The following ATG5 variants were observed in gnomAD, a reference collection of about 807,000 sequenced individuals.
The protein encoded by ATG5 is autophagy related 5, also known as autophagy protein 5.
In ATG5, 14 loss-of-function variants were observed where a neutral mutation model predicts 36.5. The observed-to-expected ratio is 0.38, with a 90% CI of 0.25 to 0.60. The LOEUF (loss-of-function observed/expected upper bound fraction) is 0.60, where lower values mean the gene tolerates loss of function less well. Among genes scored for constraint, ATG5 ranks in the 20% least tolerant of loss-of-function variants. The pLI is 0.60. For missense variants in ATG5, 195 were observed against 326.7 expected, an observed-to-expected ratio of 0.60 and a Z score of 3.11; for synonymous variants, 95 against 101.5, an observed-to-expected ratio of 0.94 and a Z score of 0.38.
chr6:106,251,715 G>A (rs1186416040), intron 5 of ATG5, among the ~76,000 whole-genome samples: 3 of 143,054 alleles, frequency 2.1e-5, no homozygotes, highest in African/African-American at 7.8e-5. Context: ...GAAAAAGAAA[G>A]AAAGAAAGAG....
intron 5 of ATG5, among the ~76,000 whole-genome samples, chr6:106,275,514 A>G (rs1779606804): frequency 6.6e-6 from 1 of 152,212 alleles, no homozygotes; most frequent in Admixed American, 6.5e-5. Flanking sequence ...ATTTATAACC[A>G]AAAACAAAAT....
chr6:106,186,399 G>T lies in ATG5; in HGVS notation c.*141C>A. The T allele has an allele frequency of 1.0e-6, 1 of 991,726 alleles. No homozygotes were observed. Among genetic ancestry groups the T allele is most frequent in the Non-Finnish European group, 1.5e-6 (1 of 674,306 alleles). 61.4% of individuals were successfully genotyped at this position (991,726 alleles called of 1,614,324 possible). On this transcript the variant is annotated 3_prime_UTR_variant, in exon 8 of 8. Transcript: ENST00000369076. ...CCAGCCCAGTTGCCTTATCTGACAT[G>T]GAATCTTTTTCCTGTCTGGCTTGCA...
At chr6:106,283,572 G>C (rs1779962564) in intron 4 of ATG5, 1 of 152,136 alleles carries the variant, frequency 6.6e-6, no homozygotes, top group Non-Finnish European at 1.5e-5. Flanking sequence ...CTCCCAGGAG[G>C]TCACCGTATT....
chr6:106,202,092 A>G lies in ATG5; in HGVS notation c.574-3T>C. 6.2e-7 allele frequency: 1 copy of G among 1,611,622 alleles called. No homozygotes were observed. The highest frequency in any genetic ancestry group is 1.1e-5 in the South Asian group (1 of 90,606). On this transcript the variant is annotated splice_region_variant and splice_polypyrimidine_tract_variant and intron_variant, in intron 6 of 7. Transcript: ENST00000369076. ...ATGAAAGGTCTTTCAGTCGTTGTCTATTTGAAAAAGGAAAAAATGATTCAA... is the reference window on the plus strand; with the variant it reads ...ATGAAAGGTCTTTCAGTCGTTGTCTGTTTGAAAAAGGAAAAAATGATTCAA...
At chr6:106,295,432 C>T (rs1310602031) in intron 3 of ATG5, among the ~76,000 whole-genome samples, 1 of 152,170 alleles carries the variant, frequency 6.6e-6, no homozygotes, top group East Asian at 1.9e-4. Flanking sequence ...CTCGAGATCA[C>T]ATAAAATTAC....
chr6:106,239,185 C>T (rs371344118), intron 6 of ATG5, among the ~76,000 whole-genome samples: 2 of 151,072 alleles, frequency 1.3e-5, no homozygotes, highest in South Asian at 4.2e-4. Context: ...TTTGTAAAAA[C>T]ACAATAGGAT....
At chr6:106,250,525 C>G (rs989741823) in intron 5 of ATG5, among the ~76,000 whole-genome samples, 1 of 152,206 alleles carries the variant, frequency 6.6e-6, no homozygotes, top group African/African-American at 2.4e-5. Context: ...TGCCACGAAA[C>G]TTTATCTTAA....
At chr6:106,273,942 G>A (rs1779548284) in intron 5 of ATG5, among the ~76,000 whole-genome samples, 1 of 152,144 alleles carries the variant, frequency 6.6e-6, no homozygotes, top group South Asian at 2.1e-4. Flanking sequence ...CCAGTTTTAA[G>A]TTAAAATGGC....
intron 3 of ATG5, among the ~76,000 whole-genome samples, chr6:106,303,282 A>G (rs1229679952): frequency 2.0e-5 from 3 of 152,254 alleles, no homozygotes; most frequent in Non-Finnish European, 2.9e-5. Context: ...GAAATACTAT[A>G]AACAACTCTA....
intron 7 of ATG5, among the ~76,000 whole-genome samples, chr6:106,200,575 C>A (rs377577415): frequency 2.0e-5 from 3 of 151,632 alleles, no homozygotes; most frequent in Non-Finnish European, 4.4e-5. Flanking sequence ...TGTGGGTTCA[C>A]GTCATTCTCC....
At chr6:106,322,376 C>T (rs1486626134) in intron 1 of ATG5, among the ~76,000 whole-genome samples, 1 of 152,212 alleles carries the variant, frequency 6.6e-6, no homozygotes, top group Non-Finnish European at 1.5e-5. Flanking sequence ...ATATCAAATA[C>T]TTACTAAACT....
intron 5 of ATG5, among the ~76,000 whole-genome samples, chr6:106,257,215 C>T (rs1582619554): frequency 6.6e-6 from 1 of 152,098 alleles, no homozygotes; most frequent in Admixed American, 6.6e-5. Context: ...GAAAACGATG[C>T]CTTCCAGAAT....
rs540421432 is a variant in ATG5 at position 106,195,520 on chromosome 6, A to C, written c.691+6452T>G. Among the ~76,000 whole-genome samples the C allele has an allele frequency of 1.2e-3, 190 of 152,320 alleles. 3 individuals carry two copies. Among genetic ancestry groups the C allele is most frequent in the Non-Finnish European group, 2.5e-3 (170 of 68,026 alleles). ...TGACAATTTTTTTTAATACGTAATA[A>C]AAAGAAGAAGCAAAGATAAAAGTTT... On this transcript the variant is annotated intron_variant, in intron 7 of 7. Transcript: ENST00000369076.
At chr6:106,246,682 A>G (rs1480087009) in intron 6 of ATG5, among the ~76,000 whole-genome samples, 1 of 152,184 alleles carries the variant, frequency 6.6e-6, no homozygotes. Flanking sequence ...TGACCCAAAT[A>G]AGTGCTGAGA....
intron 6 of ATG5, among the ~76,000 whole-genome samples, chr6:106,238,400 C>A (rs1282995550): frequency 6.6e-6 from 1 of 152,190 alleles, no homozygotes; most frequent in East Asian, 1.9e-4. Flanking sequence ...TAACATATAT[C>A]TCTAAATGAA....
At chr6:106,246,957 T>G (rs913398637) in intron 6 of ATG5, among the ~76,000 whole-genome samples, 4 of 152,194 alleles carry the variant, frequency 2.6e-5, no homozygotes, top group African/African-American at 9.6e-5. Flanking sequence ...AACCTAACAA[T>G]AACCCCGCCT....
At chr6:106,298,407 T>C (rs546609927) in intron 3 of ATG5, among the ~76,000 whole-genome samples, 5 of 152,034 alleles carry the variant, frequency 3.3e-5, no homozygotes, top group African/African-American at 4.8e-5. Context: ...TTAAATTAGC[T>C]GGGCGTGGTG....
At chr6:106,198,771 G>A (rs1776301371) in intron 7 of ATG5, among the ~76,000 whole-genome samples, 1 of 119,686 alleles carries the variant, frequency 8.4e-6, no homozygotes, top group African/African-American at 3.5e-5. Context: ...GCGAGACCCT[G>A]TCTGGGAAAA....
intron 2 of ATG5, among the ~76,000 whole-genome samples, chr6:106,311,298 T>C (rs1376554284): frequency 6.6e-6 from 1 of 152,032 alleles, no homozygotes; most frequent in Admixed American, 6.5e-5. Flanking sequence ...AAATTACAAA[T>C]GTGATTAATG....
Sources: gnomAD v4.1 joint callset for allele counts (sites outside exome capture counted in the v4.1 genomes callset) on GRCh38, gnomAD v4.1.1 for gene constraint, MANE v1.5 for transcripts, NCBI Gene and HGNC (gene_info 2026-07-23, HGNC 2026-07-21) for gene names.